LDLRAD4: variants seen among roughly 807,000 people sequenced by gnomAD.
The protein encoded by LDLRAD4 is low density lipoprotein receptor class A domain containing 4.
In LDLRAD4, 5 loss-of-function variants were observed where a neutral mutation model predicts 17.0. The ratio of observed to expected loss-of-function variants is 0.29; its 90% CI spans 0.15 to 0.62. The LOEUF is 0.62. Ranked by LOEUF, LDLRAD4 falls within the 20% of genes least tolerant of loss-of-function variation. The pLI is 0.84. For synonymous variants in LDLRAD4, 168 were observed against 171.8 expected (o/e 0.98, Z 0.17); for missense variants, 340 against 424.7 (o/e 0.80, Z 1.75).
At chr18:13,531,321 G>A (rs778933559) in intron 3 of LDLRAD4, among the ~76,000 whole-genome samples, 1 of 151,970 alleles carries the variant, frequency 6.6e-6, no homozygotes, top group African/African-American at 2.4e-5. Context: ...CACTTTGGCC[G>A]TGCGCACTGT....
chr18:13,583,075 T>C (rs1413905584), intron 3 of LDLRAD4, among the ~76,000 whole-genome samples: 1 of 152,194 alleles, frequency 6.6e-6, no homozygotes, highest in Non-Finnish European at 1.5e-5. Flanking sequence ...CTTTTTGGTC[T>C]CTGGGTCTTT....
intron 3 of LDLRAD4, among the ~76,000 whole-genome samples, chr18:13,547,901 T>G (rs1431973872): frequency 6.6e-6 from 1 of 152,186 alleles, no homozygotes; most frequent in East Asian, 1.9e-4. Flanking sequence ...CAGGCCTGTT[T>G]GTGTTACAGC....
chr18:13,247,777 T>C (rs1314405593), intron 1 of LDLRAD4, among the ~76,000 whole-genome samples: 1 of 152,136 alleles, frequency 6.6e-6, no homozygotes, highest in Non-Finnish European at 1.5e-5. Context: ...TGTAAGCGCC[T>C]GTGCTTAAGA....
At chr18:13,629,165 C>A (rs1041596844) in intron 4 of LDLRAD4, among the ~76,000 whole-genome samples, 1 of 152,092 alleles carries the variant, frequency 6.6e-6, no homozygotes, top group Non-Finnish European at 1.5e-5. Flanking sequence ...TTTTTTTAAT[C>A]AAGGGAAATT....
intron 3 of LDLRAD4, among the ~76,000 whole-genome samples, chr18:13,598,908 T>A (rs879777785): frequency 1.3e-5 from 2 of 152,180 alleles, no homozygotes; most frequent in African/African-American, 2.4e-5. Flanking sequence ...GCTGGTCTTT[T>A]TAGCTTGCCT....
chr18:13,282,916 A>T (rs1226300585), intron 1 of LDLRAD4, among the ~76,000 whole-genome samples: 1 of 152,198 alleles, frequency 6.6e-6, no homozygotes, highest in Non-Finnish European at 1.5e-5. Context: ...GGAGGTTCCC[A>T]AACCTCAATT....
intron 1 of LDLRAD4, among the ~76,000 whole-genome samples, chr18:13,344,575 T>C (rs2082570120): frequency 6.6e-6 from 1 of 152,250 alleles, no homozygotes; most frequent in East Asian, 1.9e-4. Context: ...GGCTCTTTTT[T>C]AGTTCCATGT....
intron 3 of LDLRAD4, among the ~76,000 whole-genome samples, chr18:13,516,509 G>T (rs1365159693): frequency 6.6e-6 from 1 of 152,172 alleles, no homozygotes; most frequent in Non-Finnish European, 1.5e-5. Context: ...CTCTGGTAGC[G>T]CCCTCCTTCA....
chr18:13,453,511 C>G (rs191257973), intron 3 of LDLRAD4, among the ~76,000 whole-genome samples: 41 of 152,064 alleles, frequency 2.7e-4, no homozygotes, highest in African/African-American at 9.4e-4. Flanking sequence ...AGGTTTGATC[C>G]CTGGAGTCAC....
At chr18:13,263,053 C>T (rs1361220426) in intron 1 of LDLRAD4, among the ~76,000 whole-genome samples, 5 of 141,030 alleles carry the variant, frequency 3.5e-5, no homozygotes, top group Non-Finnish European at 7.6e-5. Context: ...GGCCGAGTCC[C>T]GTGCGGCTCT....
chr18:13,562,261 A>G (rs1195018121), intron 3 of LDLRAD4, among the ~76,000 whole-genome samples: 1 of 152,136 alleles, frequency 6.6e-6, no homozygotes, highest in Non-Finnish European at 1.5e-5. Context: ...TGGTAGAGGG[A>G]CTGTCATGGA....
chr18:13,436,830 C>T (rs1318342105), intron 2 of LDLRAD4, among the ~76,000 whole-genome samples: 6 of 152,340 alleles, frequency 3.9e-5, no homozygotes, highest in Non-Finnish European at 8.8e-5. Flanking sequence ...TGTGGGTGTG[C>T]ATTTGGGCTG....
In LDLRAD4 at chr18:13,242,969, T is replaced by G. The variant is rs931602419; in HGVS notation, c.-467+23981T>G. 2.0e-5 allele frequency among the ~76,000 whole-genome samples: 3 copies of G among 152,146 alleles called. No individual in the cohort carries two copies. The East Asian group carries it at 5.8e-4, about 29-fold the overall frequency. Reference sequence around the variant, plus strand: ...GGAGCTTTCCCGGGCTGGGTGCTCTTCTCCCTGCCGGCCTGCTCTGCGCCT... The same window carrying G: ...GGAGCTTTCCCGGGCTGGGTGCTCTGCTCCCTGCCGGCCTGCTCTGCGCCT... On this transcript the variant is annotated intron_variant, in intron 1 of 5. Transcript: ENST00000399848.
chr18:13,358,496 G>T (rs148450612), intron 1 of LDLRAD4, among the ~76,000 whole-genome samples: 20 of 152,142 alleles, frequency 1.3e-4, no homozygotes, highest in African/African-American at 4.8e-4. Context: ...CAAGGACATG[G>T]GGGATGATGG....
At chr18:13,229,151 T>C (rs1438165452) in intron 1 of LDLRAD4, among the ~76,000 whole-genome samples, 1 of 152,210 alleles carries the variant, frequency 6.6e-6, no homozygotes, top group African/African-American at 2.4e-5. Flanking sequence ...AGCCTGTGTG[T>C]CAGCTGCCAC....
intron 3 of LDLRAD4, among the ~76,000 whole-genome samples, chr18:13,475,630 C>T (rs1258022808): frequency 6.6e-6 from 1 of 152,068 alleles, no homozygotes; most frequent in Non-Finnish European, 1.5e-5. Flanking sequence ...TTATGGTGCA[C>T]ACGGACTCCC....
At chr18:13,641,695 C>T (rs1258281602) in intron 4 of LDLRAD4, 28 of 954,924 alleles carry the variant, frequency 2.9e-5, no homozygotes, top group Non-Finnish European at 3.4e-5. Flanking sequence ...CCTGTCCGGG[C>T]TGGCGGGGCC....
chr18:13,469,717 G>A, intron 3 of LDLRAD4, among the ~76,000 whole-genome samples: 1 of 152,118 alleles, frequency 6.6e-6, no homozygotes, highest in Non-Finnish European at 1.5e-5. Context: ...CCAGGAGCTT[G>A]GAGGAGGGAA....
At chr18:13,397,751 C>T (rs960109698) in intron 2 of LDLRAD4, among the ~76,000 whole-genome samples, 1 of 152,198 alleles carries the variant, frequency 6.6e-6, no homozygotes, top group Non-Finnish European at 1.5e-5. Context: ...GCTACCACGG[C>T]GCAGCACTCC....
Sources: allele counts gnomAD v4.1 joint callset (sites outside exome capture counted in the v4.1 genomes callset), GRCh38; gene constraint gnomAD v4.1.1; transcripts MANE v1.5; gene names NCBI Gene and HGNC (gene_info 2026-07-23, HGNC 2026-07-21).